ATF2: variants seen among roughly 807,000 people sequenced by gnomAD.
ATF2 encodes the protein cyclic AMP-dependent transcription factor ATF-2.
Under a neutral mutation model 60.6 loss-of-function variants are expected in ATF2, and 24 were observed. The observed-to-expected ratio is 0.40, with a 90% CI of 0.29 to 0.56. The LOEUF is 0.56. Among genes scored for constraint, ATF2 ranks in the 20% least tolerant of loss-of-function variants. The pLI is 0.54. For synonymous variants in ATF2, 206 were observed against 215.4 expected, an observed-to-expected ratio of 0.96 and a Z score of 0.38; for missense variants, 433 against 607.7, an observed-to-expected ratio of 0.71 and a Z score of 3.02.
intron 2 of ATF2, among the ~76,000 whole-genome samples, chr2:175,142,791 A>G (rs1428043274): frequency 6.6e-6 from 1 of 151,620 alleles, no homozygotes; most frequent in Admixed American, 6.6e-5. Context: ...AAAGCTGCAG[A>G]GAGAAACAGA....
At chr2:175,090,264 G>A (rs1460928230) in intron 12 of ATF2, among the ~76,000 whole-genome samples, 2 of 152,106 alleles carry the variant, frequency 1.3e-5, no homozygotes, top group Non-Finnish European at 2.9e-5. Flanking sequence ...TACAACATCT[G>A]ATGTTTGTTC....
intron 9 of ATF2, 129 bp downstream of exon 9, chr2:175,113,861 CAAAT>C (rs905280694): frequency 1.2e-6 from 1 of 819,598 alleles, no homozygotes; most frequent in Non-Finnish European, 2.0e-6. Flanking sequence ...ACAATGATAA[CAAAT>C]AAATACTATC....
intron 3 of ATF2, among the ~76,000 whole-genome samples, chr2:175,133,390 G>A (rs1164785839): frequency 6.6e-6 from 1 of 152,136 alleles, no homozygotes; most frequent in Non-Finnish European, 1.5e-5. Flanking sequence ...AGTTAAGTGG[G>A]AAAAGGATGG....
intron 1 of ATF2, 33 bp downstream of exon 1, chr2:175,168,017 C>T (rs758017962): frequency 2.1e-4 from 64 of 298,528 alleles, no homozygotes; most frequent in Non-Finnish European, 3.3e-4. Context: ...CTACAGTCTC[C>T]AGCCCTGCTG....
At chr2:175,114,177 A>G (rs1696391440) in intron 8 of ATF2, 69 bp from the exon 9 acceptor site, 1 of 1,482,160 alleles carries the variant, frequency 6.7e-7, no homozygotes, top group South Asian at 1.3e-5. Context: ...AAAATACAAT[A>G]GTATTTTTAC....
chr2:175,119,799 C>CGGA (rs1313847679), intron 5 of ATF2, among the ~76,000 whole-genome samples: 1 of 151,548 alleles, frequency 6.6e-6, no homozygotes, highest in Non-Finnish European at 1.5e-5. Context: ...CTAAGTTCAT[C>CGGA]AGAAGGCTCT....
chr2:175,137,527 C>G (rs769675031), intron 2 of ATF2, among the ~76,000 whole-genome samples: 3 of 152,058 alleles, frequency 2.0e-5, no homozygotes, highest in Non-Finnish European at 2.9e-5. Context: ...TACACAGACA[C>G]AAAGATGAAG....
At chr2:175,085,810 G>A (rs767995414) in intron 12 of ATF2, among the ~76,000 whole-genome samples, 1 of 152,110 alleles carries the variant, frequency 6.6e-6, no homozygotes, top group Non-Finnish European at 1.5e-5. Context: ...TTGCTACAAC[G>A]TATATTTGTG....
chr2:175,164,084 T>C (rs1490668532), intron 1 of ATF2, among the ~76,000 whole-genome samples: 1 of 149,626 alleles, frequency 6.7e-6, no homozygotes, highest in African/African-American at 2.4e-5. Flanking sequence ...CCGGGTGCAG[T>C]GGCTCATGCC....
chr2:175,167,559 C>A (rs1453279844), intron 1 of ATF2: 1 of 465,586 alleles, frequency 2.1e-6, no homozygotes, highest in Non-Finnish European at 4.5e-6. Flanking sequence ...CCACCATCAC[C>A]AATACACGGT....
chr2:175,153,649 G>T (rs1162607578), intron 1 of ATF2, among the ~76,000 whole-genome samples: 1 of 151,944 alleles, frequency 6.6e-6, no homozygotes, highest in Non-Finnish European at 1.5e-5. Flanking sequence ...CCAATATGGT[G>T]AAACCCCCGT....
chr2:175,129,686 T>C (rs1317587658), intron 4 of ATF2, among the ~76,000 whole-genome samples: 2 of 152,098 alleles, frequency 1.3e-5, no homozygotes, highest in Non-Finnish European at 2.9e-5. Context: ...TGCTGCCACA[T>C]GCCCAATATT....
chr2:175,141,577 C>T (rs1003950049), intron 2 of ATF2, among the ~76,000 whole-genome samples: 2 of 151,930 alleles, frequency 1.3e-5, no homozygotes, highest in African/African-American at 2.4e-5. Flanking sequence ...ACTGTAAGCT[C>T]CATCTCCCGG....
intron 8 of ATF2, 22 bp downstream of exon 8, chr2:175,114,668 A>G (rs375488858): frequency 9.2e-5 from 148 of 1,603,468 alleles, no homozygotes; most frequent in Non-Finnish European, 1.2e-4. Context: ...TATATGTTCA[A>G]TGATTGGCCT....
intron 10 of ATF2, among the ~76,000 whole-genome samples, chr2:175,100,301 T>C (rs1273000538): frequency 6.6e-6 from 1 of 152,228 alleles, no homozygotes; most frequent in East Asian, 1.9e-4. Flanking sequence ...AGATGTCAGT[T>C]TCCTTATTTC....
intron 1 of ATF2, among the ~76,000 whole-genome samples, chr2:175,164,711 C>CCTA (rs560507594): frequency 7.1e-6 from 1 of 140,030 alleles, no homozygotes; most frequent in African/African-American, 2.6e-5. Context: ...TGAATACTAT[C>CCTA]CTACTACTTC....
intron 3 of ATF2, among the ~76,000 whole-genome samples, chr2:175,136,090 A>C (rs1442310356): frequency 6.8e-6 from 1 of 147,612 alleles, no homozygotes; most frequent in African/African-American, 2.5e-5. Flanking sequence ...GGGAGCACCC[A>C]GAGTATGGCA....
At chr2:175,099,712 C>T (rs897885052) in intron 10 of ATF2, among the ~76,000 whole-genome samples, 1 of 152,260 alleles carries the variant, frequency 6.6e-6, no homozygotes, top group Non-Finnish European at 1.5e-5. Flanking sequence ...TGTATAGTAT[C>T]CCCATTTTAC....
intron 10 of ATF2, among the ~76,000 whole-genome samples, chr2:175,098,645 T>C (rs1020849439): frequency 3.3e-5 from 5 of 152,146 alleles, no homozygotes; most frequent in African/African-American, 9.7e-5. Context: ...TGTTAAGTGT[T>C]AAGAACACAT....
Sources: gnomAD v4.1 joint callset for allele counts (sites outside exome capture counted in the v4.1 genomes callset) on GRCh38, gnomAD v4.1.1 for gene constraint, MANE v1.5 for transcripts, NCBI Gene and HGNC (gene_info 2026-07-23, HGNC 2026-07-21) for gene names.